Variants in LRP1B observed in about 807,000 individuals in gnomAD.
LRP1B encodes LDL receptor related protein 1B.
In LRP1B, 217 loss-of-function variants were observed where a neutral mutation model predicts 556.6. The observed-to-expected ratio is 0.39, with a 90% CI of 0.35 to 0.44. The LOEUF (loss-of-function observed/expected upper bound fraction) is 0.44. LRP1B is among the 20% of genes least tolerant of loss of function. LRP1B has a pLI of 1.00. For synonymous variants in LRP1B, 2,047 were observed against 1,865.8 expected (o/e 1.10, Z -2.50); for missense variants, 5,053 against 5,620.8 (o/e 0.90, Z 3.23).
intron 77 of LRP1B, among the ~76,000 whole-genome samples, chr2:140,337,954 G>C (rs1681179168): frequency 6.6e-6 from 1 of 151,596 alleles, no homozygotes; most frequent in Non-Finnish European, 1.5e-5. Context: ...TCAGAAGTTT[G>C]ATTTAGTGAT....
intron 16 of LRP1B, among the ~76,000 whole-genome samples, chr2:140,990,561 A>G (rs74268821): frequency 2.0e-5 from 1 of 49,672 alleles, no homozygotes; most frequent in African/African-American, 1.3e-4. Context: ...TGTATTACTT[A>G]AAAAAAAAAA....
At chr2:141,519,430 T>C (rs1684457236) in intron 2 of LRP1B, among the ~76,000 whole-genome samples, 2 of 145,288 alleles carry the variant, frequency 1.4e-5, no homozygotes, top group African/African-American at 2.6e-5. Flanking sequence ...GAATTTAGTT[T>C]TTAAGCAAAG....
intron 25 of LRP1B, among the ~76,000 whole-genome samples, chr2:140,872,070 C>T (rs1464748872): frequency 7.8e-6 from 1 of 128,530 alleles, no homozygotes; most frequent in Non-Finnish European, 1.6e-5. Context: ...TTTTTCTCTC[C>T]TAGGACCTTG....
intron 7 of LRP1B, among the ~76,000 whole-genome samples, chr2:141,089,597 T>C (rs1199248248): frequency 6.6e-6 from 1 of 151,986 alleles, no homozygotes; most frequent in African/African-American, 2.4e-5. Context: ...TGGATCTAGG[T>C]TTAGCATGCT....
At chr2:141,535,248 C>T (rs1472354996) in intron 2 of LRP1B, among the ~76,000 whole-genome samples, 2 of 152,128 alleles carry the variant, frequency 1.3e-5, no homozygotes, top group Admixed American at 1.3e-4. Context: ...TTTTCTAATA[C>T]ACATCTTCTG....
chr2:141,220,112 G>T (rs939896797), intron 6 of LRP1B, among the ~76,000 whole-genome samples: 3 of 152,172 alleles, frequency 2.0e-5, no homozygotes, highest in Admixed American at 6.5e-5. Context: ...GCTTCAGAAG[G>T]TGCGTAATAA....
chr2:140,400,723 C>G (rs1170823577), intron 66 of LRP1B, among the ~76,000 whole-genome samples: 1 of 151,908 alleles, frequency 6.6e-6, no homozygotes, highest in East Asian at 1.9e-4. Context: ...ATAGGAAAAC[C>G]AAAAGAAACC....
chr2:141,798,212 T>G (rs1695885577), intron 2 of LRP1B, among the ~76,000 whole-genome samples: 1 of 151,132 alleles, frequency 6.6e-6, no homozygotes, highest in South Asian at 2.1e-4. Context: ...ATGACAAATA[T>G]GTATTAGAGA....
intron 7 of LRP1B, among the ~76,000 whole-genome samples, chr2:141,113,790 A>G (rs1700812749): frequency 6.6e-6 from 1 of 152,206 alleles, no homozygotes; most frequent in African/African-American, 2.4e-5. Flanking sequence ...GAAAGAAGTC[A>G]TGATAATTAT....
intron 77 of LRP1B, among the ~76,000 whole-genome samples, chr2:140,341,835 G>A (rs934300345): frequency 1.5e-4 from 22 of 151,226 alleles, no homozygotes; most frequent in Admixed American, 4.6e-4. Context: ...AGGGACATAC[G>A]ATGATCAGGT....
chr2:140,656,215 GTAAAAACA>G (rs1226321874), intron 41 of LRP1B, among the ~76,000 whole-genome samples: 2 of 152,120 alleles, frequency 1.3e-5, no homozygotes, highest in African/African-American at 4.8e-5. Flanking sequence ...ATTCTGTAAT[GTAAAAACA>G]TCTTGGCAGG....
At chr2:140,531,681 T>C (rs1004878746) in intron 47 of LRP1B, among the ~76,000 whole-genome samples, 1 of 152,134 alleles carries the variant, frequency 6.6e-6, no homozygotes, top group Non-Finnish European at 1.5e-5. Context: ...TTCACTGTCT[T>C]TACTCCCTTA....
At chr2:140,579,225 T>C (rs946415635) in intron 43 of LRP1B, among the ~76,000 whole-genome samples, 8 of 152,084 alleles carry the variant, frequency 5.3e-5, no homozygotes, top group Non-Finnish European at 8.8e-5. Flanking sequence ...GGAATATATA[T>C]TGAAGAAAGA....
At chr2:141,861,032 G>C (rs1558924335) in intron 1 of LRP1B, among the ~76,000 whole-genome samples, 1 of 152,042 alleles carries the variant, frequency 6.6e-6, no homozygotes, top group Admixed American at 6.5e-5. Flanking sequence ...AGATAAACAG[G>C]TTTTACTTTG....
chr2:141,759,372 A>G (rs965684755), intron 2 of LRP1B, among the ~76,000 whole-genome samples: 4 of 152,184 alleles, frequency 2.6e-5, no homozygotes, highest in African/African-American at 9.6e-5. Flanking sequence ...GAGATGTGCT[A>G]TTAGAATGCA....
chr2:141,078,394 C>T (rs1363506952), intron 7 of LRP1B, among the ~76,000 whole-genome samples: 2 of 152,298 alleles, frequency 1.3e-5, no homozygotes, highest in South Asian at 4.1e-4. Flanking sequence ...AACCTTCCAC[C>T]CCTGCCTCCT....
At chr2:140,407,114 G>T (rs1383447191) in intron 66 of LRP1B, among the ~76,000 whole-genome samples, 1 of 152,040 alleles carries the variant, frequency 6.6e-6, no homozygotes, top group Non-Finnish European at 1.5e-5. Flanking sequence ...TTCAATAAAT[G>T]GTGCTGGGAA....
At chr2:140,542,816 T>C (rs1010026022) in intron 43 of LRP1B, among the ~76,000 whole-genome samples, 1 of 152,072 alleles carries the variant, frequency 6.6e-6, no homozygotes, top group Admixed American at 6.6e-5. Flanking sequence ...TGTGGGTATC[T>C]GAAAAGAGTC....
intron 41 of LRP1B, chr2:140,683,607 C>T: frequency 1.4e-6 from 1 of 696,644 alleles, no homozygotes; most frequent in Non-Finnish European, 2.7e-6. Flanking sequence ...CTTGGGTGGA[C>T]AGTTTGTCCC....
Sources: gnomAD v4.1 joint callset for allele counts (sites outside exome capture counted in the v4.1 genomes callset) on GRCh38, gnomAD v4.1.1 for gene constraint, MANE v1.5 for transcripts, NCBI Gene and HGNC (gene_info 2026-07-23, HGNC 2026-07-21) for gene names.